Variants in TMPRSS11D observed in about 807,000 individuals in gnomAD.
TMPRSS11D encodes the protein transmembrane serine protease 11D.
In TMPRSS11D, 32 loss-of-function variants were observed where a neutral mutation model predicts 44.4. The observed-to-expected ratio is 0.72, with a 90% confidence interval of 0.54 to 0.97. The LOEUF is 0.97. Ranked by LOEUF, TMPRSS11D falls within the 50% of genes least tolerant of loss-of-function variation. The pLI is 0.00. For synonymous variants in TMPRSS11D, 179 were observed against 177.9 expected (o/e 1.01, Z -0.05); for missense variants, 446 against 502.6 (o/e 0.89, Z 1.08).
At chr4:67,834,491 A>G (rs1413980875) in intron 6 of TMPRSS11D, among the ~76,000 whole-genome samples, 2 of 151,966 alleles carry the variant, frequency 1.3e-5, no homozygotes, top group Admixed American at 1.3e-4. Context: ...TACCAGGTAC[A>G]TTGAACTAAT....
At chr4:67,874,411 C>T (rs1301373358) in intron 1 of TMPRSS11D, among the ~76,000 whole-genome samples, 1 of 152,136 alleles carries the variant, frequency 6.6e-6, no homozygotes, top group Non-Finnish European at 1.5e-5. Flanking sequence ...ATATTCTCCA[C>T]TCATCGTTAT....
At chr4:67,883,900 G>T (rs55766746) in intron 1 of TMPRSS11D, 26 bp downstream of exon 1, 1 of 1,585,070 alleles carries the variant, frequency 6.3e-7, no homozygotes, top group Admixed American at 1.8e-5. Flanking sequence ...AACTTTTAAA[G>T]CTACAAAGAC....
chr4:67,861,812 A>T (rs1358873826), intron 1 of TMPRSS11D, among the ~76,000 whole-genome samples: 1 of 152,142 alleles, frequency 6.6e-6, no homozygotes, highest in South Asian at 2.1e-4. Flanking sequence ...AACTAATTAC[A>T]TAAGAATGAA....
intron 3 of TMPRSS11D, among the ~76,000 whole-genome samples, chr4:67,844,747 C>A (rs116587563): frequency 0.038 from 5,725 of 151,932 alleles, 120 homozygotes; most frequent in Middle Eastern, 0.058. Context: ...CCAGTACACT[C>A]CAGCCTGGAC....
At position 67,843,969 on chromosome 4, in the gene TMPRSS11D, C is replaced by G. The variant is rs772420334; in HGVS notation, c.250-1344G>C. On this transcript the variant is annotated intron_variant, in intron 3 of 9. Transcript: ENST00000283916. The stretch of plus-strand genomic sequence containing the variant: ...TATTAATTTCTTGACTGAATCATAA[C>G]TATCTCCTTGAATCACTACTCAGTC... 3.0e-4 allele frequency among the ~76,000 whole-genome samples: 46 copies of G among 152,154 alleles called. 1 individual carries two copies. Among genetic ancestry groups the G allele is most frequent in the South Asian group, 1.0e-3 (5 of 4,824 alleles).
intron 2 of TMPRSS11D, among the ~76,000 whole-genome samples, chr4:67,856,578 A>G (rs1196726377): frequency 6.6e-6 from 1 of 152,164 alleles, no homozygotes; most frequent in Non-Finnish European, 1.5e-5. Context: ...CTAGGGAAAT[A>G]ATTTATCACT....
Position 67,838,307 on chromosome 4 carries a change from C to A in TMPRSS11D, c.340G>T (p.Ala114Ser), listed in dbSNP as rs1718150414. 2 of 1,585,724 alleles carry A rather than the reference C, an allele frequency of 1.3e-6. No homozygotes were observed. Among genetic ancestry groups the A allele is most frequent in the Non-Finnish European group, 1.7e-6 (2 of 1,169,384 alleles). ...AATTGAAATTTCATGACAACATCCG[C>A]TCTCACACCACTACCATCTTGCCTG... ...KLRQDGSGVRADVVMKFQFTR... is the reference protein window; with the variant it reads ...KLRQDGSGVRSDVVMKFQFTR... The change falls in exon 5 of 10, where the codon GCG (alanine) becomes TCG (serine). Residue 114 changes from alanine to serine, a missense_variant. Ala to Ser is a moderately conservative substitution (Grantham distance 99, BLOSUM62 1). Transcript: ENST00000283916.
chr4:67,827,285 C>G lies in TMPRSS11D; in HGVS notation c.928G>C (p.Gly310Arg). Residue 310 changes from glycine (G) to arginine (R), a missense_variant, in exon 8 of 10, where the codon GGA becomes CGA. Coordinates refer to ENST00000283916, the MANE Select transcript of TMPRSS11D (RefSeq NM_004262.3). ...IPPGSTAYVT[G>R]WGAQEYAGHT... ...CCAGCATATTCTTGAGCGCCCCATCCTGTTACATAAGCAGTAGAGCCAGGT... is the reference window on the plus strand; with the variant it reads ...CCAGCATATTCTTGAGCGCCCCATCGTGTTACATAAGCAGTAGAGCCAGGT... The G allele has an allele frequency of 1.9e-6, 3 of 1,611,464 alleles. No homozygotes were observed. Among genetic ancestry groups the G allele is most frequent in the Non-Finnish European group, 2.5e-6 (3 of 1,178,990 alleles).
intron 3 of TMPRSS11D, among the ~76,000 whole-genome samples, chr4:67,846,900 CT>C (rs1718371137): frequency 1.1e-5 from 1 of 93,914 alleles, no homozygotes; most frequent in Non-Finnish European, 2.2e-5. Flanking sequence ...TGAATTTTAT[CT>C]AAAAAGTGAT....
chr4:67,856,846 A>G (rs1718648218), intron 2 of TMPRSS11D, among the ~76,000 whole-genome samples: 1 of 152,200 alleles, frequency 6.6e-6, no homozygotes. Flanking sequence ...AGTTCTCAAA[A>G]TAAGACATAC....
intron 7 of TMPRSS11D, among the ~76,000 whole-genome samples, chr4:67,831,088 T>C (rs1270778884): frequency 2.0e-5 from 3 of 152,120 alleles, no homozygotes; most frequent in Non-Finnish European, 4.4e-5. Context: ...TTATGGTCTC[T>C]TTCTTTGAGG....
chr4:67,877,996 C>A (rs985479413), intron 1 of TMPRSS11D, among the ~76,000 whole-genome samples: 1 of 152,078 alleles, frequency 6.6e-6, no homozygotes, highest in South Asian at 2.1e-4. Flanking sequence ...TACCCCAGAA[C>A]TTAAAGTATA....
At chr4:67,871,567 G>A (rs1719063635) in intron 1 of TMPRSS11D, among the ~76,000 whole-genome samples, 1 of 152,168 alleles carries the variant, frequency 6.6e-6, no homozygotes, top group South Asian at 2.1e-4. Context: ...ATTAATAGAT[G>A]TCTGAAGACT....
intron 9 of TMPRSS11D, among the ~76,000 whole-genome samples, chr4:67,824,217 A>G (rs987744735): frequency 2.0e-5 from 3 of 151,408 alleles, no homozygotes; most frequent in African/African-American, 7.3e-5. Context: ...TGGAATATAC[A>G]TGGAAGGTAT....
chr4:67,838,280 T>C lies in TMPRSS11D; in HGVS notation c.367A>G (p.Thr123Ala), dbSNP rs1344956475. Reference protein sequence around the residue: ...RADVVMKFQFTRNNNGASMKS... With the variant: ...RADVVMKFQFARNNNGASMKS... ...ATTGATGCTCCATTGTTATTTCTAG[T>C]GAATTGAAATTTCATGACAACATCC... Residue 123 changes from threonine (T) to alanine (A), a missense_variant, in exon 5 of 10, where the codon ACT (threonine) becomes GCT (alanine). By Grantham distance (58) the Thr-to-Ala change is moderately conservative (BLOSUM62 0). Coordinates refer to ENST00000283916, the MANE Select transcript of TMPRSS11D (RefSeq NM_004262.3). 6.3e-7 allele frequency: 1 copy of C among 1,599,090 alleles called. No homozygotes were observed. The highest frequency in any genetic ancestry group is 8.5e-7 in the Non-Finnish European group (1 of 1,174,052).
intron 5 of TMPRSS11D, among the ~76,000 whole-genome samples, chr4:67,835,645 G>A (rs1718064660): frequency 6.6e-6 from 1 of 152,036 alleles, no homozygotes; most frequent in Non-Finnish European, 1.5e-5. Context: ...ATAAATGTAA[G>A]TGCAAAGTAG....
chr4:67,840,880 A>T (rs1718213029), intron 4 of TMPRSS11D, among the ~76,000 whole-genome samples: 1 of 152,208 alleles, frequency 6.6e-6, no homozygotes. Context: ...GAACTTGCAG[A>T]TAGGAAAACA....
intron 3 of TMPRSS11D, among the ~76,000 whole-genome samples, chr4:67,845,537 G>A (rs1241439731): frequency 6.6e-6 from 1 of 152,116 alleles, no homozygotes; most frequent in Non-Finnish European, 1.5e-5. Context: ...TAGAGACGAT[G>A]TATCTACTTT....
At chr4:67,867,399 A>C (rs910631647) in intron 1 of TMPRSS11D, among the ~76,000 whole-genome samples, 2 of 152,014 alleles carry the variant, frequency 1.3e-5, no homozygotes, top group Non-Finnish European at 2.9e-5. Context: ...ATGTAGGGAA[A>C]ACTTTTGGAC....
Sources: allele counts gnomAD v4.1 joint callset (sites outside exome capture counted in the v4.1 genomes callset), GRCh38; gene constraint gnomAD v4.1.1; transcripts MANE v1.5; gene names NCBI Gene and HGNC (gene_info 2026-07-23, HGNC 2026-07-21).